The following DHX29 variants were observed in gnomAD, a reference collection of about 807,000 sequenced individuals.
DHX29 encodes ATP-dependent RNA helicase DHX29.
DHX29 carries 79 observed loss-of-function variants against 167.9 expected under a neutral mutation model. That is an observed-to-expected ratio of 0.47 (90% CI 0.39 to 0.57). The LOEUF (loss-of-function observed/expected upper bound fraction) is 0.57. Ranked by LOEUF, DHX29 falls within the 20% of genes least tolerant of loss-of-function variation. The probability of loss-of-function intolerance (pLI) is 0.00; values close to 1 mark genes in which losing one functional copy is unlikely to be tolerated. For synonymous variants in DHX29, 530 were observed against 546.0 expected (o/e 0.97, Z 0.41); for missense variants, 1,347 against 1,593.4 (o/e 0.85, Z 2.63).
At chr5:55,285,465 A>AT (rs750561130) in intron 9 of DHX29, 49 bp from the exon 10 acceptor site, 11 of 1,533,006 alleles carry the variant, frequency 7.2e-6, no homozygotes, top group Non-Finnish European at 9.7e-6. Context: ...ACAAAGTCAG[A>AT]TAAAAAAAAC....
chr5:55,305,922 G>A (rs1748837090), intron 1 of DHX29, among the ~76,000 whole-genome samples: 1 of 152,148 alleles, frequency 6.6e-6, no homozygotes, highest in African/African-American at 2.4e-5. Flanking sequence ...GGCTTTAGGA[G>A]TGAACTATAC....
chr5:55,298,887 G>A (rs1050860461), intron 1 of DHX29, among the ~76,000 whole-genome samples: 49 of 150,774 alleles, frequency 3.2e-4, no homozygotes, highest in Non-Finnish European at 6.5e-4. Flanking sequence ...AAAATTAGCC[G>A]GGCGCGGTGG....
At position 55,307,036 on chromosome 5, in the gene DHX29, A is replaced by G. The variant is rs554507544; in HGVS notation, c.187+351T>C. ...GGCTGGCTGGCACCAGGAGGTCAGG[A>G]ACTCCACTCAGTACTCGTCTTTGCG... On this transcript the variant is annotated intron_variant, in intron 1 of 26. Transcript: ENST00000251636. 6.1e-4 allele frequency among the ~76,000 whole-genome samples: 93 copies of G among 152,342 alleles called. No individual in the cohort carries two copies. The South Asian group carries it at 7.7e-3, about 13-fold the overall frequency.
At chr5:55,282,364 A>G (rs778020267) in intron 11 of DHX29, among the ~76,000 whole-genome samples, 2 of 151,754 alleles carry the variant, frequency 1.3e-5, no homozygotes, top group Non-Finnish European at 2.9e-5. Flanking sequence ...TCCCCATCAC[A>G]TTTTCTTTCT....
chr5:55,277,868 T>C (rs930565198), intron 12 of DHX29, among the ~76,000 whole-genome samples: 1 of 139,012 alleles, frequency 7.2e-6, no homozygotes, highest in African/African-American at 2.8e-5. Context: ...ATCACACCAC[T>C]GCATTCCAGC....
intron 12 of DHX29, among the ~76,000 whole-genome samples, chr5:55,277,830 G>A (rs568194080): frequency 3.6e-4 from 54 of 148,810 alleles, no homozygotes; most frequent in African/African-American, 1.2e-3. Flanking sequence ...CACTTGAACC[G>A]AGGAGACAGA....
intron 11 of DHX29, 54 bp from the exon 12 acceptor site, chr5:55,281,569 A>G (rs1747415890): frequency 7.4e-7 from 1 of 1,357,280 alleles, no homozygotes; most frequent in Non-Finnish European, 9.8e-7. Flanking sequence ...TATGGGAAAC[A>G]AGCTTTAAAA....
At position 55,276,592 on chromosome 5, in the gene DHX29, C is replaced by G. The variant is rs145877157; in HGVS notation, c.2287-186G>C. ...GACATAGAGGGATTGCCTCTAAAGTCTCAGGACAAATTACATTATGAGATA... is the reference window on the plus strand; with the variant it reads ...GACATAGAGGGATTGCCTCTAAAGTGTCAGGACAAATTACATTATGAGATA... On this transcript the variant is annotated intron_variant, in intron 13 of 26. Coordinates refer to ENST00000251636, the MANE Select transcript of DHX29 (RefSeq NM_019030.4). Among the ~76,000 whole-genome samples, 7 of 152,108 alleles carry G rather than the reference C, an allele frequency of 4.6e-5. 1 individual carries two copies. The East Asian group carries it at 1.4e-3, about 29-fold the overall frequency.
In DHX29 at chr5:55,295,555, A is replaced by G. The variant is rs113230311; in HGVS notation, c.506-31T>C. Reference sequence around the variant, plus strand: ...AATAAAAGAAACTATGCTGAAAATAAACAGGCATATGATACATAAAACACA... The same window carrying G: ...AATAAAAGAAACTATGCTGAAAATAGACAGGCATATGATACATAAAACACA... On this transcript the variant is annotated intron_variant, in intron 4 of 26. Coordinates refer to ENST00000251636, the MANE Select transcript of DHX29 (RefSeq NM_019030.4). The G allele has an allele frequency of 1.7e-4, 265 of 1,604,540 alleles. No homozygotes were observed. In the African/African-American group the frequency reaches 3.0e-3, roughly 18 times the overall value.
chr5:55,260,063 A>G (rs1746236889), intron 25 of DHX29, 119 bp from the exon 26 acceptor site: 2 of 521,082 alleles, frequency 3.8e-6, no homozygotes, highest in Non-Finnish European at 7.1e-6. Flanking sequence ...TTTAATGGAA[A>G]ACACAATGGG....
intron 26 of DHX29, among the ~76,000 whole-genome samples, chr5:55,259,378 G>A (rs932141142): frequency 1.3e-5 from 2 of 152,060 alleles, no homozygotes; most frequent in Admixed American, 6.6e-5. Flanking sequence ...GATTTTTTAC[G>A]ACTTCAGTGT....
In DHX29 at chr5:55,285,424, G is replaced by A. The variant is rs749182220; in HGVS notation, c.1233-8C>T. The A allele has an allele frequency of 1.3e-5, 20 of 1,590,266 alleles. No homozygotes were observed. The highest frequency in any genetic ancestry group is 1.8e-5 in the Admixed American group (1 of 55,544). The stretch of plus-strand genomic sequence containing the variant: ...GACTTGATTACCCTAACCCTACAAA[G>A]AAGCAAACGCATTTTAAAAAAATAA... On this transcript the variant is annotated splice_polypyrimidine_tract_variant and splice_region_variant and intron_variant, in intron 9 of 26. Coordinates refer to ENST00000251636, the MANE Select transcript of DHX29 (RefSeq NM_019030.4).
chr5:55,295,094 T>C (rs145898812), intron 5 of DHX29: 21 of 261,970 alleles, frequency 8.0e-5, no homozygotes, highest in Non-Finnish European at 1.2e-4. Flanking sequence ...AGAAGCCACT[T>C]TGGATGTTCC....
At chr5:55,270,320 TA>T (rs1746788303) in intron 20 of DHX29, 91 bp downstream of exon 20, 1 of 1,377,462 alleles carries the variant, frequency 7.3e-7, no homozygotes, top group African/African-American at 1.5e-5. Context: ...GTTGAAAATC[TA>T]AAGCAATATA....
At chr5:55,291,073 A>C (rs187294949) in intron 6 of DHX29, among the ~76,000 whole-genome samples, 32 of 152,320 alleles carry the variant, frequency 2.1e-4, no homozygotes, top group African/African-American at 7.5e-4. Flanking sequence ...AGTAATAATA[A>C]TACTCATCTG....
intron 1 of DHX29, among the ~76,000 whole-genome samples, chr5:55,307,035 G>C (rs1039140038): frequency 2.6e-5 from 4 of 152,178 alleles, no homozygotes; most frequent in Non-Finnish European, 5.9e-5. Flanking sequence ...AGGAGGTCAG[G>C]AACTCCACTC....
chr5:55,278,606 A>ACTGT (rs907708047), intron 12 of DHX29, among the ~76,000 whole-genome samples: 2 of 152,342 alleles, frequency 1.3e-5, no homozygotes, highest in African/African-American at 4.8e-5. Flanking sequence ...GTAAGAAGAT[A>ACTGT]CTGTATAGGA....
intron 8 of DHX29, among the ~76,000 whole-genome samples, chr5:55,286,640 A>G (rs994605123): frequency 1.2e-4 from 19 of 152,190 alleles, no homozygotes; most frequent in African/African-American, 4.1e-4. Flanking sequence ...TTATTATGCT[A>G]TAACCACAAT....
chr5:55,279,214 G>A (rs1271451099), intron 12 of DHX29, among the ~76,000 whole-genome samples: 1 of 152,176 alleles, frequency 6.6e-6, no homozygotes, highest in East Asian at 1.9e-4. Flanking sequence ...CTATATGACT[G>A]GATTCAGGGG....
Sources: allele counts gnomAD v4.1 joint callset (sites outside exome capture counted in the v4.1 genomes callset), GRCh38; gene constraint gnomAD v4.1.1; transcripts MANE v1.5; gene names NCBI Gene and HGNC (gene_info 2026-07-23, HGNC 2026-07-21).